CA10: variants seen among roughly 807,000 people sequenced by gnomAD.
CA10 encodes the protein carbonic anhydrase 10 (inactive), also known as carbonic anhydrase-related protein 10.
Under a neutral mutation model 44.2 loss-of-function variants are expected in CA10, and 14 were observed. The ratio of observed to expected loss-of-function variants is 0.32; its 90% CI spans 0.21 to 0.50. The LOEUF (loss-of-function observed/expected upper bound fraction) is 0.50, where lower values mean the gene tolerates loss of function less well. Among genes scored for constraint, CA10 ranks in the 20% least tolerant of loss-of-function variants. The pLI is 0.99. For missense variants in CA10, 350 were observed against 409.7 expected (o/e 0.85, Z 1.26); for synonymous variants, 159 against 141.6 (o/e 1.12, Z -0.87).
chr17:51,955,128 T>C (rs1983619887), intron 2 of CA10, among the ~76,000 whole-genome samples: 1 of 151,994 alleles, frequency 6.6e-6, no homozygotes, highest in African/African-American at 2.4e-5. Flanking sequence ...CTGAAAGGAA[T>C]AGAGTGAAAA....
At chr17:51,721,950 T>C (rs1916364319) in intron 4 of CA10, among the ~76,000 whole-genome samples, 1 of 152,198 alleles carries the variant, frequency 6.6e-6, no homozygotes, top group Admixed American at 6.5e-5. Flanking sequence ...TGAGTCATTC[T>C]AGCAAATTAT....
chr17:51,784,696 G>A (rs1417543620), intron 3 of CA10, among the ~76,000 whole-genome samples: 1 of 152,186 alleles, frequency 6.6e-6, no homozygotes, highest in African/African-American at 2.4e-5. Flanking sequence ...GAGATGTTTT[G>A]TTACAGGCAT....
At chr17:51,871,666 T>TGA (rs1979822563) in intron 3 of CA10, among the ~76,000 whole-genome samples, 3 of 152,096 alleles carry the variant, frequency 2.0e-5, no homozygotes, top group African/African-American at 7.2e-5. Context: ...ATTACAGGTG[T>TGA]GAGCCACCAT....
At chr17:52,056,601 C>A (rs1987236752) in intron 2 of CA10, among the ~76,000 whole-genome samples, 1 of 151,980 alleles carries the variant, frequency 6.6e-6, no homozygotes, top group Non-Finnish European at 1.5e-5. Context: ...ACAGGCATAT[C>A]CCTGTCATGC....
Position 51,636,016 on chromosome 17 carries a change from A to T in CA10, c.635-7T>A. Reference sequence around the variant, plus strand: ...TGTAGTAAATATGCATCATCTAGAGAAGGAAAGAAGACTTAAAAATTAGGT... The same window carrying T: ...TGTAGTAAATATGCATCATCTAGAGTAGGAAAGAAGACTTAAAAATTAGGT... On this transcript the variant is annotated splice_polypyrimidine_tract_variant and splice_region_variant and intron_variant, in intron 6 of 8. Coordinates refer to ENST00000451037, the MANE Select transcript of CA10 (RefSeq NM_020178.5). The T allele has an allele frequency of 6.5e-7, 1 of 1,547,744 alleles. No individual in the cohort carries two copies. The highest frequency in any genetic ancestry group is 1.2e-5 in the South Asian group (1 of 81,810).
chr17:52,131,385 G>A (rs1261662431), intron 1 of CA10, among the ~76,000 whole-genome samples: 1 of 152,180 alleles, frequency 6.6e-6, no homozygotes, highest in African/African-American at 2.4e-5. Context: ...ATTCTCTAAT[G>A]AGGGAAAATG....
chr17:52,096,721 T>C (rs1567732031), intron 1 of CA10, among the ~76,000 whole-genome samples: 1 of 152,252 alleles, frequency 6.6e-6, no homozygotes, highest in Non-Finnish European at 1.5e-5. Context: ...CTACTCTGTA[T>C]GCTTTCTCTT....
intron 1 of CA10, among the ~76,000 whole-genome samples, chr17:52,116,645 G>C (rs1219328199): frequency 6.6e-6 from 1 of 152,154 alleles, no homozygotes; most frequent in African/African-American, 2.4e-5. Context: ...AAAAGAGAAA[G>C]GGACCAGGGG....
intron 1 of CA10, among the ~76,000 whole-genome samples, chr17:52,127,056 T>C (rs1222189340): frequency 6.6e-6 from 1 of 152,222 alleles, no homozygotes; most frequent in African/African-American, 2.4e-5. Context: ...AGACAGTAAT[T>C]AAAAGGCTCA....
At chr17:51,884,966 C>T (rs1349424514) in intron 3 of CA10, among the ~76,000 whole-genome samples, 1 of 152,128 alleles carries the variant, frequency 6.6e-6, no homozygotes, top group Non-Finnish European at 1.5e-5. Context: ...GGATATCAGT[C>T]ATTGAAATTA....
intron 4 of CA10, among the ~76,000 whole-genome samples, chr17:51,693,803 T>C (rs971700187): frequency 3.3e-5 from 5 of 152,340 alleles, no homozygotes; most frequent in African/African-American, 1.2e-4. Flanking sequence ...ATGTGATGAA[T>C]AGAGGAGTGC....
chr17:51,754,447 A>G (rs1463013684), intron 3 of CA10, among the ~76,000 whole-genome samples: 9 of 117,288 alleles, frequency 7.7e-5, no homozygotes, highest in African/African-American at 2.9e-4. Flanking sequence ...ATATATATAT[A>G]TCACGTAAAA....
chr17:51,687,595 C>A (rs1915050082), intron 4 of CA10, among the ~76,000 whole-genome samples: 1 of 152,106 alleles, frequency 6.6e-6, no homozygotes. Context: ...ATGGTTTGTA[C>A]CAGTGGTTTC....
In CA10 at chr17:52,124,539, T is replaced by G. The variant is rs147468546; in HGVS notation, c.61+33187A>C. On this transcript the variant is annotated intron_variant, in intron 1 of 8. Coordinates refer to ENST00000451037, the MANE Select transcript of CA10 (RefSeq NM_020178.5). The stretch of plus-strand genomic sequence containing the variant: ...ATGATACTAGAGAGCTCTATCTTCC[T>G]GTGCCTATGGAATAAAAATATAATT... Among the ~76,000 whole-genome samples the G allele has an allele frequency of 8.2e-3, 1,249 of 152,360 alleles. 17 individuals are homozygous for G. The highest frequency in any genetic ancestry group is 0.051 in the Middle Eastern group (15 of 294).
At chr17:52,022,177 C>G (rs548995370) in intron 2 of CA10, among the ~76,000 whole-genome samples, 3 of 152,084 alleles carry the variant, frequency 2.0e-5, no homozygotes, top group Admixed American at 2.0e-4. Flanking sequence ...AACTACTATC[C>G]CTGAAGAACA....
intron 2 of CA10, among the ~76,000 whole-genome samples, chr17:51,993,261 T>A (rs1985108618): frequency 6.6e-6 from 1 of 152,134 alleles, no homozygotes; most frequent in Non-Finnish European, 1.5e-5. Context: ...AGGCAGTTAA[T>A]TGAATTATGT....
intron 1 of CA10, among the ~76,000 whole-genome samples, chr17:52,103,629 T>C (rs1598216225): frequency 6.6e-6 from 1 of 152,352 alleles, no homozygotes; most frequent in Middle Eastern, 3.4e-3. Flanking sequence ...GACTGTTTGA[T>C]GCTGCAGCTA....
At chr17:51,860,026 G>T (rs1979232755) in intron 3 of CA10, among the ~76,000 whole-genome samples, 1 of 152,156 alleles carries the variant, frequency 6.6e-6, no homozygotes, top group Non-Finnish European at 1.5e-5. Context: ...AAAGAAGTGT[G>T]CAAAGACAGA....
intron 3 of CA10, among the ~76,000 whole-genome samples, chr17:51,896,438 G>A (rs73348428): frequency 0.02 from 3,068 of 152,180 alleles, 85 homozygotes; most frequent in African/African-American, 0.07. Context: ...TTTTATGGCT[G>A]TGAACCAAGG....
Sources: allele counts gnomAD v4.1 joint callset (sites outside exome capture counted in the v4.1 genomes callset), GRCh38; gene constraint gnomAD v4.1.1; transcripts MANE v1.5; gene names NCBI Gene and HGNC (gene_info 2026-07-23, HGNC 2026-07-21).